Variants in KCNK5 observed in about 807,000 individuals in gnomAD.
The protein encoded by KCNK5 is potassium channel subfamily K member 5.
Under a neutral mutation model 32.9 loss-of-function variants are expected in KCNK5, and 18 were observed. That is an observed-to-expected ratio of 0.55 (90% CI 0.38 to 0.81). KCNK5 has a LOEUF of 0.81. Ranked by LOEUF, KCNK5 falls within the 30% of genes least tolerant of loss-of-function variation. KCNK5 has a pLI of 0.00. For synonymous variants in KCNK5, 276 were observed against 275.3 expected (o/e 1.00, Z -0.03); for missense variants, 507 against 651.0 (o/e 0.78, Z 2.41).
In KCNK5 at chr6:39,191,373, AGG is replaced by A. The variant is rs1562049029; in HGVS notation, c.1015_1016del (p.Pro339PhefsTer35). The A allele has an allele frequency of 1.2e-6, 2 of 1,613,568 alleles. No individual in the cohort carries two copies. Among genetic ancestry groups the A allele is most frequent in the African/African-American group, 2.7e-5 (2 of 75,028 alleles). ...PQGGGLPALPPSLVPLVVYSK... is the reference protein window; with the variant it reads ...PQGGGLPALPXSLVPLVVYSK... ...AGTAGACTACCAGGGGCACCAGGGAAGGGGGCAGTGCTGGGAGCCCACCGCCT... is the reference window on the plus strand; with the variant it reads ...AGTAGACTACCAGGGGCACCAGGGAAGGGCAGTGCTGGGAGCCCACCGCCT... On this transcript the variant is annotated frameshift_variant, in exon 5 of 5. Transcript: ENST00000359534. LOFTEE classifies it low-confidence loss of function (END_TRUNC). This position sits in a 1 kb window ranked among gnomAD's most constrained non-coding sequence, Gnocchi z 5.8.
chr6:39,215,275 G>T (rs771926421), intron 1 of KCNK5, among the ~76,000 whole-genome samples: 4 of 152,108 alleles, frequency 2.6e-5, no homozygotes, highest in Non-Finnish European at 4.4e-5. Context: ...ACCCCACTTC[G>T]CCCACTCAGC....
chr6:39,204,438 C>T (rs1309817443), intron 1 of KCNK5, among the ~76,000 whole-genome samples: 1 of 152,238 alleles, frequency 6.6e-6, no homozygotes, highest in Admixed American at 6.5e-5. Flanking sequence ...GATACCTCCC[C>T]TACCTCCTCT....
chr6:39,194,885 AATG>A lies in KCNK5; in HGVS notation c.299-128_299-126del, dbSNP rs762209956. On this transcript the variant is annotated intron_variant, in intron 2 of 4. Coordinates refer to ENST00000359534, the MANE Select transcript of KCNK5 (RefSeq NM_003740.4). This position sits in a 1 kb window ranked among gnomAD's most constrained non-coding sequence, Gnocchi z 4.7. ...ATTGATCTATTGTCAGTACTTAAGT[AATG>A]ATATTTCCCTTGATCATACTCTGAT... 9 of 778,098 alleles carry A rather than the reference AATG, an allele frequency of 1.2e-5. No homozygotes were observed. The highest frequency in any genetic ancestry group is 1.7e-5 in the African/African-American group (1 of 57,642). The allele number at this position is 778,098 out of a possible 1,614,324, so 48.2% of individuals were successfully genotyped here.
intron 1 of KCNK5, among the ~76,000 whole-genome samples, chr6:39,224,715 C>A (rs1428840809): frequency 2.0e-5 from 3 of 152,084 alleles, no homozygotes; most frequent in Non-Finnish European, 4.4e-5. Flanking sequence ...GGACTTTGGT[C>A]TGGGATGCTA....
rs1467230388 is a variant in KCNK5, at chr6:39,189,741, A to AGTGCACAGGTGTGCGT, written c.*1133_*1148dup. 14 of 152,802 alleles carry AGTGCACAGGTGTGCGT rather than the reference A, an allele frequency of 9.2e-5. No homozygotes were observed. In the East Asian group the frequency reaches 1.9e-3, roughly 21 times the overall value. 9.5% of individuals were successfully genotyped at this position (152,802 alleles called of 1,614,324 possible). A position where few individuals can be genotyped will look rare whatever the true frequency, so the allele number is the denominator to read the frequency against. ...TCCTTTCCTTTCTTAAACACACACGAGTGCACAGGTGTGCGTGTGCACACA... is the reference window on the plus strand; with the variant it reads ...TCCTTTCCTTTCTTAAACACACACGAGTGCACAGGTGTGCGTGTGCACAGGTGTGCGTGTGCACACA... On this transcript the variant is annotated 3_prime_UTR_variant, in exon 5 of 5. Coordinates refer to ENST00000359534, the MANE Select transcript of KCNK5 (RefSeq NM_003740.4).
intron 4 of KCNK5, among the ~76,000 whole-genome samples, chr6:39,192,751 G>A (rs1224977721): frequency 6.6e-6 from 1 of 152,038 alleles, no homozygotes; most frequent in African/African-American, 2.4e-5. Context: ...CAGCTCTGAA[G>A]GTTCCCCCTA....
rs375930462 is a variant in KCNK5, at chr6:39,191,201, G to A, written c.1189C>T (p.Arg397Cys). The A allele has an allele frequency of 1.4e-5, 23 of 1,614,104 alleles. No homozygotes were observed. Among genetic ancestry groups the A allele is most frequent in the Admixed American group, 3.3e-5 (2 of 60,016 alleles). Residue 397 changes from arginine to cysteine, a missense_variant, in exon 5 of 5, where the codon CGC (arginine) becomes TGC (cysteine). Physicochemically the swap from Arg to Cys is radical, Grantham distance 180 (BLOSUM62 -3). Around this residue, in one of 6 missense-constraint regions of KCNK5, gnomAD observed 252 missense variants for 250.8 expected, o/e 1.00. Coordinates refer to ENST00000359534, the MANE Select transcript of KCNK5 (RefSeq NM_003740.4). This position sits in a 1 kb window ranked among gnomAD's most constrained non-coding sequence, Gnocchi z 5.8. ...CATGGCTCGCATTCCTCGCTGATGC[G>A]GTCCAGCTGGTTCATGAACACCTCG... ...APEVFMNQLD[R>C]ISEECEPWDA...
intron 1 of KCNK5, among the ~76,000 whole-genome samples, chr6:39,216,919 C>T (rs999104333): frequency 9.2e-5 from 14 of 151,804 alleles, no homozygotes; most frequent in Non-Finnish European, 1.6e-4. Context: ...GTCAAGAGTT[C>T]GAGAACCGCC....
In KCNK5 at chr6:39,229,183, G is replaced by A; in HGVS notation, c.-72C>T. ...CTGCTACCAGTCCGCCCGCCCTCCA[G>A]CCTCTGAAAACAGCTGTTTGAATTT... On this transcript the variant is annotated 5_prime_UTR_variant, in exon 1 of 5. Transcript: ENST00000359534. 1 of 1,509,002 alleles carries A rather than the reference G, an allele frequency of 6.6e-7. No individual in the cohort carries two copies. The highest frequency in any genetic ancestry group is 1.2e-5 in the South Asian group (1 of 85,676). 93.5% of individuals were successfully genotyped at this position (1,509,002 alleles called of 1,614,324 possible).
chr6:39,196,063 C>T (rs1771026257), intron 1 of KCNK5, 76 bp from the exon 2 acceptor site: 3 of 945,330 alleles, frequency 3.2e-6, no homozygotes, highest in Non-Finnish European at 3.1e-6. Context: ...GCACTAAACT[C>T]CTTGTAAGCA....
At chr6:39,206,564 T>G (rs1272067486) in intron 1 of KCNK5, among the ~76,000 whole-genome samples, 1 of 152,198 alleles carries the variant, frequency 6.6e-6, no homozygotes, top group Non-Finnish European at 1.5e-5. Flanking sequence ...GCCGCCCAGC[T>G]GCCCCTCGCG....
chr6:39,197,760 C>T (rs1187175101), intron 1 of KCNK5, among the ~76,000 whole-genome samples: 1 of 152,192 alleles, frequency 6.6e-6, no homozygotes, highest in Non-Finnish European at 1.5e-5. Context: ...TTTGCTACCT[C>T]AGATATCGAT....
intron 1 of KCNK5, among the ~76,000 whole-genome samples, chr6:39,228,424 GC>G: frequency 6.6e-6 from 1 of 152,186 alleles, no homozygotes; most frequent in African/African-American, 2.4e-5. Context: ...GGAAGATTTT[GC>G]CCAGGCTCGG....
In KCNK5 at chr6:39,206,662, G is replaced by A. The variant is rs370746391; in HGVS notation, c.187-10675C>T. On this transcript the variant is annotated intron_variant, in intron 1 of 4. Transcript: ENST00000359534. ...AGTCTCTCCAACACAAATATCAAGTGTGGGGCCCTCTCTGAGCAGCACAGG... is the reference window on the plus strand; with the variant it reads ...AGTCTCTCCAACACAAATATCAAGTATGGGGCCCTCTCTGAGCAGCACAGG... Among the ~76,000 whole-genome samples, 3 of 152,268 alleles carry A rather than the reference G, an allele frequency of 2.0e-5. No homozygotes were observed. The East Asian group carries it at 5.8e-4, about 29-fold the overall frequency.
chr6:39,217,402 G>C (rs1440651607), intron 1 of KCNK5, among the ~76,000 whole-genome samples: 2 of 152,146 alleles, frequency 1.3e-5, no homozygotes. Context: ...TCACTGTCAG[G>C]ATCCTTGACT....
intron 1 of KCNK5, among the ~76,000 whole-genome samples, chr6:39,209,790 G>A (rs980274921): frequency 2.6e-5 from 4 of 152,312 alleles, no homozygotes; most frequent in African/African-American, 9.6e-5. Flanking sequence ...CAGCCTTCCT[G>A]GTGGAGTGAA....
rs2815096 is a variant in KCNK5, at chr6:39,190,396, G to A, written c.*494C>T. The A allele has an allele frequency of 0.043, 6,627 of 152,850 alleles. 683 individuals carry two copies. The East Asian group carries it at 0.46, about 11-fold the overall frequency. 9.5% of individuals were successfully genotyped at this position (152,850 alleles called of 1,614,324 possible). ...GCAGGCCCACAGCTGGGATGCGGGC[G>A]GGCCCTGCTCCTGCTGTGGTACGGA... On this transcript the variant is annotated 3_prime_UTR_variant, in exon 5 of 5. Coordinates refer to ENST00000359534, the MANE Select transcript of KCNK5 (RefSeq NM_003740.4).
chr6:39,210,745 T>A (rs979142432), intron 1 of KCNK5, among the ~76,000 whole-genome samples: 6 of 151,988 alleles, frequency 3.9e-5, no homozygotes, highest in African/African-American at 1.5e-4. Flanking sequence ...AAGAGGGACA[T>A]GACAGCAGAA....
At chr6:39,216,813 T>C (rs1287372998) in intron 1 of KCNK5, among the ~76,000 whole-genome samples, 1 of 152,056 alleles carries the variant, frequency 6.6e-6, no homozygotes, top group African/African-American at 2.4e-5. Flanking sequence ...GAACGTTGAG[T>C]TCTTTGTAAA....
Sources: gnomAD v4.1 joint callset for allele counts (sites outside exome capture counted in the v4.1 genomes callset) on GRCh38, gnomAD v4.1.1 for gene constraint, gnomAD v4.1.1 regional missense constraint, Gnocchi (gnomAD v3.1) non-coding constraint, MANE v1.5 for transcripts, NCBI Gene and HGNC (gene_info 2026-07-23, HGNC 2026-07-21) for gene names.